Variants in PARVB observed in about 807,000 individuals in gnomAD.
PARVB encodes parvin beta.
In PARVB, 46 loss-of-function variants were observed where a neutral mutation model predicts 47.0. That is an observed-to-expected ratio of 0.98 (90% CI 0.77 to 1.25). PARVB has a LOEUF of 1.25. Among genes scored for constraint, PARVB ranks in the 50% most tolerant of loss-of-function variants. The pLI, the probability that PARVB is intolerant of heterozygous loss-of-function variation, is 0.00. For synonymous variants in PARVB, 196 were observed against 196.3 expected (o/e 1.00, Z 0.01); for missense variants, 473 against 471.6 (o/e 1.00, Z -0.03).
At chr22:44,094,408 C>T (rs564007910) in intron 2 of PARVB, among the ~76,000 whole-genome samples, 12 of 152,224 alleles carry the variant, frequency 7.9e-5, no homozygotes, top group Non-Finnish European at 8.8e-5. Context: ...CACCATAGCA[C>T]ACCATGCCAC....
chr22:44,018,008 C>T (rs1012957897), intron 2 of PARVB, among the ~76,000 whole-genome samples: 3 of 152,076 alleles, frequency 2.0e-5, no homozygotes, highest in African/African-American at 4.8e-5. Context: ...CTCAAAGAGG[C>T]CAGAGACCCC....
chr22:44,140,205 C>T, intron 8 of PARVB, 62 bp downstream of exon 8: 2 of 1,539,258 alleles, frequency 1.3e-6, no homozygotes, highest in Non-Finnish European at 1.8e-6. Flanking sequence ...AGGAAGCTCC[C>T]AGAGAGTGTA....
intron 1 of PARVB, among the ~76,000 whole-genome samples, chr22:44,040,754 G>T (rs1422711917): frequency 6.6e-6 from 1 of 152,128 alleles, no homozygotes; most frequent in African/African-American, 2.4e-5. Flanking sequence ...GGTGGCTCAC[G>T]CCTGTAATCC....
intron 4 of PARVB, among the ~76,000 whole-genome samples, chr22:44,128,201 A>G (rs193164906): frequency 6.6e-5 from 10 of 152,296 alleles, no homozygotes; most frequent in Non-Finnish European, 1.2e-4. Context: ...TAGACTGCAT[A>G]TGGCCAGAGT....
intron 3 of PARVB, chr22:44,107,688 T>A (rs2052598286): frequency 6.6e-6 from 1 of 152,076 alleles, no homozygotes; most frequent in Admixed American, 6.5e-5. Flanking sequence ...AATGATGTAA[T>A]CAGTCACACT....
intron 1 of PARVB, chr22:44,086,678 A>T: frequency 3.5e-6 from 3 of 858,476 alleles, no homozygotes; most frequent in Non-Finnish European, 4.2e-6. Flanking sequence ...TCTTATTTTA[A>T]CTCCACTGAG....
At chr22:44,042,559 G>A (rs1450501831) in intron 1 of PARVB, among the ~76,000 whole-genome samples, 2 of 152,218 alleles carry the variant, frequency 1.3e-5, no homozygotes, top group Non-Finnish European at 2.9e-5. Context: ...GTCTTCACAC[G>A]TCCTGCACTG....
chr22:44,099,598 T>A (rs1383164479), intron 2 of PARVB, among the ~76,000 whole-genome samples: 1 of 152,200 alleles, frequency 6.6e-6, no homozygotes, highest in Non-Finnish European at 1.5e-5. Flanking sequence ...TGCATATTGA[T>A]TCTTTTCCAT....
intron 4 of PARVB, chr22:44,119,853 C>T (rs375292251): frequency 1.4e-4 from 77 of 531,536 alleles, no homozygotes; most frequent in African/African-American, 1.2e-3. Flanking sequence ...TAGAGGACGC[C>T]GGCCTGGCCT....
chr22:44,123,820 T>C (rs1203850447), intron 4 of PARVB, among the ~76,000 whole-genome samples: 1 of 152,218 alleles, frequency 6.6e-6, no homozygotes, highest in Non-Finnish European at 1.5e-5. Flanking sequence ...CATGAGCCAC[T>C]GCGCCTGGCC....
chr22:44,129,239 CCAT>C (rs2053257487), intron 4 of PARVB, among the ~76,000 whole-genome samples: 1 of 152,182 alleles, frequency 6.6e-6, no homozygotes, highest in Non-Finnish European at 1.5e-5. Context: ...GAGAGGGCAG[CCAT>C]CTACAAGCCA....
intron 4 of PARVB, among the ~76,000 whole-genome samples, chr22:44,130,196 G>A (rs1253747534): frequency 6.6e-6 from 1 of 152,258 alleles, no homozygotes; most frequent in East Asian, 1.9e-4. Flanking sequence ...CAGCAGCTGT[G>A]TATTGAAGGC....
At chr22:44,052,944 AAAAACAAAAC>A (rs559914323) in intron 1 of PARVB, among the ~76,000 whole-genome samples, 15 of 152,122 alleles carry the variant, frequency 9.9e-5, no homozygotes, top group African/African-American at 2.7e-4. Flanking sequence ...CCCTATCTCA[AAAAACAAAAC>A]AAAACAAAAC....
intron 8 of PARVB, chr22:44,146,019 C>T (rs1208153437): frequency 1.3e-5 from 2 of 152,160 alleles, no homozygotes; most frequent in Non-Finnish European, 2.9e-5. Flanking sequence ...AGAGGCAGGG[C>T]ATTTTGGTCA....
intron 1 of PARVB, among the ~76,000 whole-genome samples, chr22:44,042,763 C>G (rs1435103740): frequency 6.6e-6 from 1 of 152,158 alleles, no homozygotes. Flanking sequence ...TTGCTTGGGC[C>G]TCATTGCAAG....
intron 8 of PARVB, chr22:44,140,754 C>G (rs771052067): frequency 5.7e-6 from 2 of 349,938 alleles, no homozygotes; most frequent in Non-Finnish European, 1.2e-5. Context: ...CCTGCTTGGC[C>G]GGGGGACAGC....
chr22:44,007,514 T>C (rs1357498554), intron 2 of PARVB, among the ~76,000 whole-genome samples: 2 of 152,118 alleles, frequency 1.3e-5, no homozygotes, highest in Non-Finnish European at 2.9e-5. Flanking sequence ...CCTCCTGCGC[T>C]CCTCAGCGGG....
rs996822308 is a variant in PARVB at position 44,147,900 on chromosome 22, A to G, written c.752A>G (p.Asp251Gly). ...AFDTLFDHAP[D>G]KLSVVKKSLI... ...GACACGCTGTTCGACCACGCCCCGG[A>G]TAAGCTCAGCGTGGTGAAGAAGGTG... The change falls in exon 9 of 13, where the codon GAT becomes GGT. Residue 251 changes from aspartate to glycine, a missense_variant. Coordinates refer to ENST00000338758, the MANE Select transcript of PARVB (RefSeq NM_013327.5). 3 of 1,613,936 alleles carry G rather than the reference A, an allele frequency of 1.9e-6. No individual in the cohort carries two copies. The South Asian group carries it at 3.3e-5, about 18-fold the overall frequency.
At chr22:44,043,294 C>A (rs764417807) in intron 1 of PARVB, among the ~76,000 whole-genome samples, 1 of 152,026 alleles carries the variant, frequency 6.6e-6, no homozygotes, top group Non-Finnish European at 1.5e-5. Context: ...TTGGGGGTGA[C>A]GAAAATGTTC....
Sources: allele counts gnomAD v4.1 joint callset (sites outside exome capture counted in the v4.1 genomes callset), GRCh38; gene constraint gnomAD v4.1.1; transcripts MANE v1.5; gene names NCBI Gene and HGNC (gene_info 2026-07-23, HGNC 2026-07-21).